Variants in WWC1 observed in about 807,000 individuals in gnomAD.
The protein encoded by WWC1 is protein KIBRA.
WWC1 carries 55 observed loss-of-function variants against 138.4 expected under a neutral mutation model. The observed-to-expected ratio is 0.40, with a 90% CI of 0.32 to 0.50. The LOEUF is 0.50. WWC1 is among the 20% of genes least tolerant of loss of function. The pLI is 0.72. For synonymous variants in WWC1, 524 were observed against 564.9 expected, an observed-to-expected ratio of 0.93 and a Z score of 1.03; for missense variants, 1,226 against 1,420.4, an observed-to-expected ratio of 0.86 and a Z score of 2.20.
rs1757610735 is a variant in WWC1, at chr5:168,470,120, C to T, written c.*1103C>T. The T allele has an allele frequency of 6.6e-6, 1 of 152,200 alleles. No individual in the cohort carries two copies. The highest frequency in any genetic ancestry group is 1.5e-5 in the Non-Finnish European group (1 of 68,106). 9.4% of individuals were successfully genotyped at this position (152,200 alleles called of 1,614,324 possible). ...GTGCTTCATGCTGCTCCTGTGGCCC[C>T]TATTCCTACCCAGCTCAGAGCTTTG... On this transcript the variant is annotated 3_prime_UTR_variant, in exon 23 of 23. Transcript: ENST00000265293.
chr5:168,419,356 C>T (rs1780906478), intron 9 of WWC1, among the ~76,000 whole-genome samples: 1 of 98,696 alleles, frequency 1.0e-5, no homozygotes, highest in African/African-American at 6.9e-5. Context: ...ATAAACTGTG[C>T]CTGGCTTCAT....
At chr5:168,307,157 G>A (rs1770639162) in intron 1 of WWC1, among the ~76,000 whole-genome samples, 1 of 152,214 alleles carries the variant, frequency 6.6e-6, no homozygotes, top group South Asian at 2.1e-4. Flanking sequence ...ACCCTATGAG[G>A]TAAGAACCAT....
chr5:168,402,623 A>AC (rs1355995044), intron 5 of WWC1, among the ~76,000 whole-genome samples: 1 of 151,832 alleles, frequency 6.6e-6, no homozygotes, highest in Admixed American at 6.6e-5. Context: ...CATTCTCTTC[A>AC]CCCCCCTTTT....
chr5:168,359,950 A>C (rs1186812597), intron 1 of WWC1, among the ~76,000 whole-genome samples: 1 of 152,228 alleles, frequency 6.6e-6, no homozygotes, highest in Non-Finnish European at 1.5e-5. Context: ...AGCCAGCTTA[A>C]GAGTCCTGCT....
intron 2 of WWC1, among the ~76,000 whole-genome samples, chr5:168,373,543 A>G (rs1335201316): frequency 6.6e-6 from 1 of 151,932 alleles, no homozygotes; most frequent in Non-Finnish European, 1.5e-5. Context: ...ATGCACTTGG[A>G]CCAGTTCTGT....
At position 168,423,769 on chromosome 5, in the gene WWC1, A is replaced by T. The variant is rs754429254; in HGVS notation, c.1511A>T (p.Asp504Val). Residue 504 changes from aspartate (D) to valine (V), a missense_variant, in exon 11 of 23, where the codon GAT becomes GTT. By Grantham distance (152) the Asp-to-Val change is radical. This residue lies in a region of WWC1 where 1,016 missense variants were observed against 1,153.9 expected (regional missense o/e 0.88). Transcript: ENST00000265293. ...GGCTGCATCACCACCATCCACGAGG[A>T]TGAGGTGGCCAAGACCCAGAAGGCA... ...PSGCITTIHE[D>V]EVAKTQKAEG... 1.2e-6 allele frequency: 2 copies of T among 1,613,946 alleles called. No individual in the cohort carries two copies. The highest frequency in any genetic ancestry group is 1.1e-5 in the South Asian group (1 of 91,056).
intron 1 of WWC1, among the ~76,000 whole-genome samples, chr5:168,301,993 CA>C (rs1175618452): frequency 9.9e-5 from 15 of 152,202 alleles, no homozygotes; most frequent in African/African-American, 3.4e-4. Context: ...CCAGTCTTAT[CA>C]GGGGCAAGCC....
intron 1 of WWC1, among the ~76,000 whole-genome samples, chr5:168,366,532 C>G (rs181871624): frequency 6.6e-6 from 1 of 152,282 alleles, no homozygotes; most frequent in East Asian, 1.9e-4. Flanking sequence ...TGCTTTATTT[C>G]TCTTGGGCAC....
At chr5:168,467,727 C>T (rs761533503) in intron 21 of WWC1, 113 bp from the exon 22 acceptor site, 53 of 1,465,434 alleles carry the variant, frequency 3.6e-5, no homozygotes, top group Non-Finnish European at 4.7e-5. Context: ...CCACATGGAG[C>T]AAGAGTGAGG....
intron 1 of WWC1, among the ~76,000 whole-genome samples, chr5:168,335,457 TAAAAAGAA>T: frequency 6.8e-6 from 1 of 147,332 alleles, no homozygotes; most frequent in East Asian, 2.0e-4. Flanking sequence ...TCCGTTCTCT[TAAAAAGAA>T]AGAAAGAACA....
chr5:168,339,488 G>A (rs1773790539), intron 1 of WWC1, among the ~76,000 whole-genome samples: 1 of 152,156 alleles, frequency 6.6e-6, no homozygotes, highest in African/African-American at 2.4e-5. Context: ...GAACATTGTT[G>A]TATATGTGGT....
At chr5:168,429,345 G>C (rs1781763242) in intron 13 of WWC1, among the ~76,000 whole-genome samples, 1 of 144,562 alleles carries the variant, frequency 6.9e-6, no homozygotes, top group Non-Finnish European at 1.5e-5. Context: ...TGCAACCTCT[G>C]CCTCCTGGGT....
chr5:168,426,185 C>T (rs528063115), intron 11 of WWC1, among the ~76,000 whole-genome samples: 2 of 152,288 alleles, frequency 1.3e-5, no homozygotes, highest in South Asian at 4.1e-4. Flanking sequence ...CCCTGGGTTT[C>T]CCTCATCAGG....
intron 1 of WWC1, among the ~76,000 whole-genome samples, chr5:168,352,154 T>C (rs1775018136): frequency 6.6e-6 from 1 of 152,188 alleles, no homozygotes; most frequent in Non-Finnish European, 1.5e-5. Flanking sequence ...GAGTCTTGAA[T>C]ACTGTCCACA....
At chr5:168,293,375 A>G (rs563119250) in intron 1 of WWC1, among the ~76,000 whole-genome samples, 1 of 152,140 alleles carries the variant, frequency 6.6e-6, no homozygotes, top group Non-Finnish European at 1.5e-5. Context: ...TGGACTCTTC[A>G]TCTTGTGTGG....
chr5:168,444,436 G>T, intron 16 of WWC1, 58 bp from the exon 17 acceptor site: 1 of 1,494,938 alleles, frequency 6.7e-7, no homozygotes, highest in Non-Finnish European at 9.1e-7. Context: ...TCTGATTCCT[G>T]GCAGGTAGGG....
At chr5:168,377,356 G>A (rs1777268206) in intron 2 of WWC1, among the ~76,000 whole-genome samples, 1 of 152,184 alleles carries the variant, frequency 6.6e-6, no homozygotes, top group South Asian at 2.1e-4. Context: ...ACACCATTCT[G>A]TACATTGGCC....
At position 168,292,412 on chromosome 5, in the gene WWC1, T is replaced by G; in HGVS notation, c.119+141T>G. 2.1e-6 allele frequency: 2 copies of G among 940,708 alleles called. No homozygotes were observed. Among genetic ancestry groups the G allele is most frequent in the Non-Finnish European group, 3.1e-6 (2 of 653,038 alleles). The allele number at this position is 940,708 out of a possible 1,614,324, so 58.3% of individuals were successfully genotyped here. On this transcript the variant is annotated intron_variant, in intron 1 of 22. Transcript: ENST00000265293. This position sits in a 1 kb window ranked among gnomAD's most constrained non-coding sequence, Gnocchi z 4.4. ...CTCTCTTCAGTTCGCCACCCCCTGCTCCCCCCAACCTTCTGGAGCGCTGCT... is the reference window on the plus strand; with the variant it reads ...CTCTCTTCAGTTCGCCACCCCCTGCGCCCCCCAACCTTCTGGAGCGCTGCT...
At chr5:168,448,873 C>A (rs1207042451) in intron 17 of WWC1, among the ~76,000 whole-genome samples, 13 of 152,134 alleles carry the variant, frequency 8.5e-5, no homozygotes, top group Admixed American at 7.9e-4. Context: ...CCCACCTCCA[C>A]CTCCCAAAGT....
Sources: gnomAD v4.1 joint callset for allele counts (sites outside exome capture counted in the v4.1 genomes callset) on GRCh38, gnomAD v4.1.1 for gene constraint, gnomAD v4.1.1 regional missense constraint, Gnocchi (gnomAD v3.1) non-coding constraint, MANE v1.5 for transcripts, NCBI Gene and HGNC (gene_info 2026-07-23, HGNC 2026-07-21) for gene names.